NAALADL2: variants seen among roughly 807,000 people sequenced by gnomAD.
The protein encoded by NAALADL2 is N-acetylated alpha-linked acidic dipeptidase like 2.
A neutral mutation model predicts 87.2 loss-of-function variants in NAALADL2; 76 were observed. The observed-to-expected ratio is 0.87, with a 90% confidence interval of 0.72 to 1.05. The LOEUF (loss-of-function observed/expected upper bound fraction) is 1.05, where lower values mean the gene tolerates loss of function less well. Ranked by LOEUF, NAALADL2 falls within the 50% of genes least tolerant of loss-of-function variation. The pLI is 0.00. For missense variants in NAALADL2, 1,089 were observed against 945.8 expected (o/e 1.15, Z -1.99); for synonymous variants, 354 against 331.0 (o/e 1.07, Z -0.75).
At chr3:175,123,613 C>T (rs1726477696) in intron 2 of NAALADL2, among the ~76,000 whole-genome samples, 1 of 151,880 alleles carries the variant, frequency 6.6e-6, no homozygotes, top group Non-Finnish European at 1.5e-5. Flanking sequence ...TCTAGATGCA[C>T]CCTACCGTTT....
intron 1 of NAALADL2, among the ~76,000 whole-genome samples, chr3:174,448,256 G>A (rs1241659631): frequency 1.3e-5 from 2 of 152,182 alleles, no homozygotes; most frequent in Admixed American, 1.3e-4. Flanking sequence ...TAAAAACCAG[G>A]AAATTGACAT....
chr3:174,959,958 G>T (rs1247701995), intron 1 of NAALADL2, among the ~76,000 whole-genome samples: 1 of 151,932 alleles, frequency 6.6e-6, no homozygotes, highest in East Asian at 1.9e-4. Flanking sequence ...GTCCCTTAAA[G>T]GTCCTGTTCA....
At chr3:175,442,498 A>G (rs1719961929) in intron 5 of NAALADL2, among the ~76,000 whole-genome samples, 1 of 152,166 alleles carries the variant, frequency 6.6e-6, no homozygotes, top group South Asian at 2.1e-4. Context: ...CTCTGAACTA[A>G]TATACTATTT....
intron 4 of NAALADL2, among the ~76,000 whole-genome samples, chr3:175,291,347 A>G (rs1755614503): frequency 6.6e-6 from 1 of 152,130 alleles, no homozygotes; most frequent in African/African-American, 2.4e-5. Context: ...TGCTATGCTT[A>G]TTATATATTT....
intron 1 of NAALADL2, among the ~76,000 whole-genome samples, chr3:174,533,316 T>A (rs1421680229): frequency 6.6e-6 from 1 of 151,878 alleles, no homozygotes; most frequent in Non-Finnish European, 1.5e-5. Flanking sequence ...GTTCGAGTGT[T>A]CAATTTCCTT....
intron 12 of NAALADL2, among the ~76,000 whole-genome samples, chr3:175,754,976 A>G (rs897214067): frequency 2.0e-5 from 3 of 152,216 alleles, no homozygotes; most frequent in Non-Finnish European, 4.4e-5. Flanking sequence ...CAAAATAAAT[A>G]TATTCTCAAA....
intron 1 of NAALADL2, among the ~76,000 whole-genome samples, chr3:174,929,193 C>T (rs187798674): frequency 9.2e-5 from 14 of 152,200 alleles, no homozygotes; most frequent in African/African-American, 2.2e-4. Flanking sequence ...TATAGGAATA[C>T]GTGGAGCAGA....
intron 2 of NAALADL2, among the ~76,000 whole-genome samples, chr3:175,232,667 G>A (rs1174590052): frequency 1.3e-5 from 2 of 152,166 alleles, no homozygotes; most frequent in East Asian, 3.8e-4. Context: ...GCCATATGCA[G>A]CCCACGGGCC....
chr3:175,469,001 A>G (rs1372549382), intron 8 of NAALADL2, among the ~76,000 whole-genome samples: 4 of 152,088 alleles, frequency 2.6e-5, no homozygotes, highest in Non-Finnish European at 4.4e-5. Flanking sequence ...GTTCACAGGA[A>G]AAAAATTTTG....
At chr3:175,142,744 A>T (rs996952315) in intron 2 of NAALADL2, among the ~76,000 whole-genome samples, 2 of 151,918 alleles carry the variant, frequency 1.3e-5, no homozygotes, top group Non-Finnish European at 2.9e-5. Flanking sequence ...TCTTCATTTC[A>T]TTCTATAAGG....
chr3:175,452,036 A>G (rs1274432158), intron 6 of NAALADL2, among the ~76,000 whole-genome samples: 4 of 152,168 alleles, frequency 2.6e-5, no homozygotes, highest in Non-Finnish European at 5.9e-5. Flanking sequence ...GTAGTTACAC[A>G]AATATTTATT....
intron 2 of NAALADL2, among the ~76,000 whole-genome samples, chr3:174,560,428 A>T (rs1266560231): frequency 6.6e-6 from 1 of 152,214 alleles, no homozygotes. Context: ...GTAGAGCCTA[A>T]AAAGAATGTA....
In NAALADL2 at chr3:175,210,059, G is replaced by A. The variant is rs149489097; in HGVS notation, c.546-23872G>A. On this transcript the variant is annotated intron_variant, in intron 2 of 13. Coordinates refer to ENST00000454872, the MANE Select transcript of NAALADL2 (RefSeq NM_207015.3). ...TGAAATATATTAAAAATTGCAATAC[G>A]CATAACAGAAATATGATGGATATAT... 4.8e-3 allele frequency among the ~76,000 whole-genome samples: 726 copies of A among 151,598 alleles called. 3 individuals carry two copies. The highest frequency in any genetic ancestry group is 0.015 in the African/African-American group (609 of 41,436).
chr3:174,503,083 C>T (rs529893629), intron 1 of NAALADL2, among the ~76,000 whole-genome samples: 6 of 150,854 alleles, frequency 4.0e-5, no homozygotes, highest in African/African-American at 7.3e-5. Flanking sequence ...ACTTTGACAA[C>T]GTAAAAGGAA....
In NAALADL2 at chr3:175,097,231, C is replaced by G. The variant is rs370339154; in HGVS notation, c.485C>G (p.Pro162Arg). 5 of 1,613,072 alleles carry G rather than the reference C, an allele frequency of 3.1e-6. No homozygotes were observed. The highest frequency in any genetic ancestry group is 4.2e-6 in the Non-Finnish European group (5 of 1,179,332). ...SDAPSSGTVD[P>R]QLYQEILKTI... is the part of the protein sequence containing the mutation. Reference sequence around the variant, plus strand: ...GCTCCATCTTCAGGAACAGTTGATCCTCAGTTATATCAAGAGATTCTCAAG... The same window carrying G: ...GCTCCATCTTCAGGAACAGTTGATCGTCAGTTATATCAAGAGATTCTCAAG... Residue 162 changes from proline (P) to arginine (R), a missense_variant, in exon 2 of 14, where the codon CCT (proline) becomes CGT (arginine). By Grantham distance (103) the Pro-to-Arg change is moderately radical. Transcript: ENST00000454872.
intron 4 of NAALADL2, among the ~76,000 whole-genome samples, chr3:175,318,645 A>G (rs116222087): frequency 0.014 from 2,162 of 152,296 alleles, 51 homozygotes; most frequent in African/African-American, 0.049. Context: ...TTTGTTGTCT[A>G]TTGAGGCATA....
Position 175,366,072 on chromosome 3 carries a change from T to C in NAALADL2, c.1090+41747T>C. 1.6e-5 allele frequency among the ~76,000 whole-genome samples: 2 copies of C among 121,322 alleles called. 1 individual carries two copies. The highest frequency in any genetic ancestry group is 3.4e-5 in the Non-Finnish European group (2 of 58,656). The allele number at this position is 121,322 out of a possible 152,430, so 79.6% of individuals were successfully genotyped here. ...CCCTTCCTGTGTCCATGTGTTCTCA[T>C]TGTTCAATTCCCATCTGTGAGTGAG... On this transcript the variant is annotated intron_variant, in intron 5 of 13. Transcript: ENST00000454872.
At chr3:174,869,536 C>T (rs1258809065) in intron 1 of NAALADL2, among the ~76,000 whole-genome samples, 8 of 152,118 alleles carry the variant, frequency 5.3e-5, no homozygotes, top group Non-Finnish European at 1.2e-4. Context: ...GACAAATTCG[C>T]TGGATTACAG....
chr3:174,909,332 T>C (rs1418542354), intron 1 of NAALADL2, among the ~76,000 whole-genome samples: 2 of 151,954 alleles, frequency 1.3e-5, no homozygotes, highest in Admixed American at 1.3e-4. Context: ...GAGACAGAGG[T>C]CGCCATGAGC....
Sources: allele counts gnomAD v4.1 joint callset (sites outside exome capture counted in the v4.1 genomes callset), GRCh38; gene constraint gnomAD v4.1.1; transcripts MANE v1.5; gene names NCBI Gene and HGNC (gene_info 2026-07-23, HGNC 2026-07-21).